The following IFI44 variants were observed in gnomAD, a reference collection of about 807,000 sequenced individuals.
IFI44 encodes interferon induced protein 44, also known as interferon-induced protein 44.
Under a neutral mutation model 45.0 loss-of-function variants are expected in IFI44, and 42 were observed. The ratio of observed to expected loss-of-function variants is 0.93; its 90% CI spans 0.73 to 1.21. The LOEUF is 1.21. Among genes scored for constraint, IFI44 ranks in the 50% most tolerant of loss-of-function variants. IFI44 has a pLI of 0.00. For synonymous variants in IFI44, 221 were observed against 188.6 expected (o/e 1.17, Z -1.41); for missense variants, 623 against 525.8 (o/e 1.18, Z -1.81).
chr1:78,658,495 G>A (rs1189143930), intron 5 of IFI44, among the ~76,000 whole-genome samples: 1 of 152,100 alleles, frequency 6.6e-6, no homozygotes, highest in Non-Finnish European at 1.5e-5. Flanking sequence ...AACCATAACA[G>A]TTCACTAATT....
intron 7 of IFI44, chr1:78,662,477 T>C (rs1647518011): frequency 4.2e-6 from 2 of 474,838 alleles, no homozygotes; most frequent in South Asian, 5.8e-5. Context: ...ATTTTGTTTC[T>C]AAATCATTTA....
At position 78,650,525 on chromosome 1, in the gene IFI44, C is replaced by T. The variant is rs1647106247; in HGVS notation, c.330C>T (p.Ser110=). Residue 110 remains serine, a synonymous_variant, in exon 2 of 9, where the codon TCC becomes TCT. Coordinates refer to ENST00000370747, the MANE Select transcript of IFI44 (RefSeq NM_006417.5). ...GTTGTGATGTTACAAAATATAACTC[C>T]CCAACTAATTTCCAGATAGATGGAA... The part of the protein sequence containing the change: ...LFCCDVTKYN[S]PTNFQIDGRN... The T allele has an allele frequency of 2.5e-6, 4 of 1,613,536 alleles. No individual in the cohort carries two copies. Among genetic ancestry groups the T allele is most frequent in the African/African-American group, 1.3e-5 (1 of 75,000 alleles).
rs761802111 is a variant in IFI44, at chr1:78,660,684, T to C, written c.1113+30T>C. ...TGAATGATGCCCTTCGTAAACACAT[T>C]TTCTGGGGTATGTTACTACAATCAC... On this transcript the variant is annotated intron_variant, in intron 7 of 8. Coordinates refer to ENST00000370747, the MANE Select transcript of IFI44 (RefSeq NM_006417.5). 4.3e-6 allele frequency: 6 copies of C among 1,384,582 alleles called. No individual in the cohort carries two copies. In the East Asian group the frequency reaches 1.4e-4, roughly 32 times the overall value. 85.8% of individuals were successfully genotyped at this position (1,384,582 alleles called of 1,614,324 possible).
Position 78,650,582 on chromosome 1 carries a change from A to G in IFI44, c.387A>G (p.Thr129=), listed in dbSNP as rs1218219265. 1 of 1,611,960 alleles carries G rather than the reference A, an allele frequency of 6.2e-7. No individual in the cohort carries two copies. The change falls in exon 2 of 9, where the codon ACA becomes ACG. Residue 129 remains threonine (T), a synonymous_variant. Coordinates refer to ENST00000370747, the MANE Select transcript of IFI44 (RefSeq NM_006417.5). The stretch of plus-strand genomic sequence containing the variant: ...GAAAAGTGATTATGGACTTAAAGAC[A>G]ATGGAAAATCTTGGACTTGCTCAAA... ...RNRKVIMDLK[T]MENLGLAQNC...
At chr1:78,650,157 A>G (rs958380205) in intron 1 of IFI44, 29 bp from the exon 2 acceptor site, 20 of 1,462,626 alleles carry the variant, frequency 1.4e-5, no homozygotes, top group Middle Eastern at 1.8e-4. Context: ...TTTAATATTT[A>G]ATGGAAAATA....
Position 78,651,903 on chromosome 1 carries a change from T to C in IFI44, c.457+1251T>C, listed in dbSNP as rs149777804. Among the ~76,000 whole-genome samples, 437 of 151,840 alleles carry C rather than the reference T, an allele frequency of 2.9e-3. 2 individuals carry two copies. The highest frequency in any genetic ancestry group is 4.7e-3 in the Non-Finnish European group (318 of 67,936). ...GAAACCTAAGAAAAGGCAGAAAGAG[T>C]ACTTAGATATTCTGTGTGGCTCCCT... On this transcript the variant is annotated intron_variant, in intron 2 of 8. Transcript: ENST00000370747.
chr1:78,649,986 A>T, intron 1 of IFI44, 81 bp downstream of exon 1: 1 of 417,690 alleles, frequency 2.4e-6, no homozygotes, highest in South Asian at 4.4e-5. Flanking sequence ...GTCACTTGCC[A>T]ATCTCAGTTT....
chr1:78,660,192 A>G (rs1557705209), intron 6 of IFI44, among the ~76,000 whole-genome samples: 1 of 152,158 alleles, frequency 6.6e-6, no homozygotes, highest in African/African-American at 2.4e-5. Context: ...CTTCTCCCCC[A>G]TCTTGTTTAT....
rs551312686 is a variant in IFI44 at position 78,660,582 on chromosome 1, T to C, written c.1041T>C (p.His347=). The stretch of plus-strand genomic sequence containing the variant: ...TGGTACATGTGGCTTTGCTCACTCA[T>C]GTGGATAGCATGGATTTGATTACAA... The part of the protein sequence containing the change: ...AGVVHVALLT[H]VDSMDLITKG... The change falls in exon 7 of 9, where the codon CAT becomes CAC. Residue 347 remains histidine (H), a synonymous_variant. Coordinates refer to ENST00000370747, the MANE Select transcript of IFI44 (RefSeq NM_006417.5). The C allele has an allele frequency of 1.2e-6, 2 of 1,613,732 alleles. No individual in the cohort carries two copies. The highest frequency in any genetic ancestry group is 1.7e-5 in the Admixed American group (1 of 59,984).
chr1:78,662,063 G>T (rs986737734), intron 7 of IFI44, among the ~76,000 whole-genome samples: 5 of 152,182 alleles, frequency 3.3e-5, no homozygotes, highest in Non-Finnish European at 4.4e-5. Flanking sequence ...ATGATCTTCA[G>T]AAAAATTAAT....
In IFI44 at chr1:78,650,144, T is replaced by A. The variant is rs544396265; in HGVS notation, c.-10-42T>A. 2.9e-6 allele frequency: 4 copies of A among 1,390,838 alleles called. No individual in the cohort carries two copies. The South Asian group carries it at 4.3e-5, about 15-fold the overall frequency. The allele number at this position is 1,390,838 out of a possible 1,614,324, so 86.2% of individuals were successfully genotyped here. On this transcript the variant is annotated intron_variant, in intron 1 of 8. Transcript: ENST00000370747. ...AAATTTTATAACTACATATTATCTGTTTTTTAATATTTAATGGAAAATATA... is the reference window on the plus strand; with the variant it reads ...AAATTTTATAACTACATATTATCTGATTTTTAATATTTAATGGAAAATATA...
At position 78,650,079 on chromosome 1, in the gene IFI44, A is replaced by AT. The variant is rs1205742959; in HGVS notation, c.-10-101dup. The AT allele has an allele frequency of 1.2e-5, 7 of 581,930 alleles. No individual in the cohort carries two copies. The East Asian group carries it at 1.3e-4, about 11-fold the overall frequency. The allele number at this position is 581,930 out of a possible 1,614,324, so 36.0% of individuals were successfully genotyped here. On this transcript the variant is annotated intron_variant, in intron 1 of 8. Transcript: ENST00000370747. ...CTTTCTGTTCATCCTTTGTTTTGTC[A>AT]TTTTTTGTATTATGTAGAGTATATA... is the stretch of plus-strand genomic sequence containing the variant.
chr1:78,662,964 T>G (rs747717034), intron 8 of IFI44, 86 bp downstream of exon 8: 4 of 1,607,346 alleles, frequency 2.5e-6, no homozygotes, highest in Non-Finnish European at 3.4e-6. Flanking sequence ...CTGGCAGCTC[T>G]CTGTCTTTTT....
intron 1 of IFI44, 126 bp from the exon 2 acceptor site, chr1:78,650,060 G>T: frequency 3.9e-6 from 2 of 515,670 alleles, no homozygotes; most frequent in Non-Finnish European, 3.2e-6. Context: ...TTTGCTTTCT[G>T]TTCATCCTTT....
intron 7 of IFI44, among the ~76,000 whole-genome samples, chr1:78,661,834 G>A (rs1202470205): frequency 6.6e-6 from 1 of 152,102 alleles, no homozygotes; most frequent in Non-Finnish European, 1.5e-5. Context: ...GAGACAAAAA[G>A]GGCCAACAAA....
In IFI44 at chr1:78,663,745, T is replaced by C. The variant is rs776800171; in HGVS notation, c.1289-20T>C. The C allele has an allele frequency of 3.1e-6, 5 of 1,610,140 alleles. No individual in the cohort carries two copies. The highest frequency in any genetic ancestry group is 8.5e-7 in the Non-Finnish European group (1 of 1,178,824). On this transcript the variant is annotated intron_variant, in intron 8 of 8. Coordinates refer to ENST00000370747, the MANE Select transcript of IFI44 (RefSeq NM_006417.5). ...TTCCTGAGATAATCCACTAAGAATATTTTGTGTTTCTTTTCTCAGGGAATC... is the reference window on the plus strand; with the variant it reads ...TTCCTGAGATAATCCACTAAGAATACTTTGTGTTTCTTTTCTCAGGGAATC...
intron 3 of IFI44, among the ~76,000 whole-genome samples, 164 bp downstream of exon 3, chr1:78,654,443 T>C (rs1396015115): frequency 6.6e-6 from 1 of 152,046 alleles, no homozygotes; most frequent in Admixed American, 6.6e-5. Context: ...AATATTAATG[T>C]TAAAAAAAAG....
chr1:78,653,393 C>T (rs1647154252), intron 2 of IFI44, among the ~76,000 whole-genome samples: 1 of 152,046 alleles, frequency 6.6e-6, no homozygotes, highest in Non-Finnish European at 1.5e-5. Flanking sequence ...TGTACTTGCA[C>T]TTTGCTAGTC....
chr1:78,658,260 A>G (rs183322777), intron 5 of IFI44, among the ~76,000 whole-genome samples: 1 of 152,238 alleles, frequency 6.6e-6, no homozygotes, highest in Admixed American at 6.6e-5. Context: ...CCTTTATCTT[A>G]TATAACATCT....
Sources: allele counts gnomAD v4.1 joint callset (sites outside exome capture counted in the v4.1 genomes callset), GRCh38; gene constraint gnomAD v4.1.1; transcripts MANE v1.5; gene names NCBI Gene and HGNC (gene_info 2026-07-23, HGNC 2026-07-21).